TUBGCP2: variants seen among roughly 807,000 people sequenced by gnomAD.
The protein encoded by TUBGCP2 is gamma-tubulin complex component 2.
TUBGCP2 carries 55 observed loss-of-function variants against 92.2 expected under a neutral mutation model. The observed-to-expected ratio is 0.60, with a 90% CI of 0.48 to 0.75. The LOEUF (loss-of-function observed/expected upper bound fraction) is 0.75, where lower values mean the gene tolerates loss of function less well. TUBGCP2 is among the 30% of genes least tolerant of loss of function. TUBGCP2 has a pLI of 0.00. For missense variants in TUBGCP2, 1,093 were observed against 1,188.9 expected, an observed-to-expected ratio of 0.92 and a Z score of 1.19; for synonymous variants, 533 against 505.2, an observed-to-expected ratio of 1.06 and a Z score of -0.74.
chr10:133,280,070 C>T (rs538828892), intron 17 of TUBGCP2, among the ~76,000 whole-genome samples, 169 bp from the exon 18 acceptor site: 76 of 152,310 alleles, frequency 5.0e-4, no homozygotes, highest in African/African-American at 1.7e-3. Flanking sequence ...ACTCCTTCTG[C>T]GGGTCCGTCC....
chr10:133,302,406 C>T (rs1847686921), intron 2 of TUBGCP2: 1 of 284,998 alleles, frequency 3.5e-6, no homozygotes, highest in African/African-American at 2.2e-5. Flanking sequence ...GCACCCTGCA[C>T]CAGAGGTGGC....
At chr10:133,282,184 G>T (rs368581122) in intron 16 of TUBGCP2, 39 bp downstream of exon 16, 3 of 1,610,336 alleles carry the variant, frequency 1.9e-6, no homozygotes, top group Non-Finnish European at 1.7e-6. Flanking sequence ...CCAGCCGGGA[G>T]GAAGCGTCTC....
At chr10:133,303,326 C>G (rs1400166706) in intron 1 of TUBGCP2, among the ~76,000 whole-genome samples, 1 of 152,256 alleles carries the variant, frequency 6.6e-6, no homozygotes, top group Non-Finnish European at 1.5e-5. Flanking sequence ...CTCAGAGGGT[C>G]CTCTGGGTGG....
rs369104689 is a variant in TUBGCP2 at position 133,285,222 on chromosome 10, G to A, written c.1896-9C>T. The A allele has an allele frequency of 2.6e-4, 418 of 1,611,346 alleles. 2 individuals carry two copies. Among genetic ancestry groups the A allele is most frequent in the Middle Eastern group, 1.8e-3 (11 of 6,060 alleles). On this transcript the variant is annotated splice_polypyrimidine_tract_variant and intron_variant, in intron 12 of 17. Transcript: ENST00000252936. The surrounding 1 kb of genome is among the most constrained non-coding windows in gnomAD (Gnocchi z 6.8). ...AGCGAGTGAGGGCTTTCCTGCAAGA[G>A]ACGTGGCGGCACCTCAGGTGGGCCT... is the stretch of plus-strand genomic sequence containing the variant.
chr10:133,312,056 C>A, upstream of TUBGCP2: 1 of 1,479,054 alleles, frequency 6.8e-7, no homozygotes, highest in South Asian at 1.4e-5. Flanking sequence ...GCCATTGAAG[C>A]GCAGGAATGC....
Position 133,291,279 on chromosome 10 carries a change from CCGTGTCCCT to C in TUBGCP2, c.1214+1211_1214+1219del, listed in dbSNP as rs1289741430. Among the ~76,000 whole-genome samples the C allele has an allele frequency of 3.7e-3, 311 of 84,304 alleles. 7 individuals carry two copies. The highest frequency in any genetic ancestry group is 0.018 in the African/African-American group (240 of 13,308). The allele number at this position is 84,304 out of a possible 152,430, so 55.3% of individuals were successfully genotyped here. A position where few individuals can be genotyped will look rare whatever the true frequency, so the allele number is the denominator to read the frequency against. The stretch of plus-strand genomic sequence containing the variant: ...GTCCCTCCGTGTCCCCCATGTCCCT[CCGTGTCCCT>C]GTGTCCCGGGGAGCCCTACCTGTAC... On this transcript the variant is annotated intron_variant, in intron 8 of 17. Coordinates refer to ENST00000252936, the MANE Select transcript of TUBGCP2 (RefSeq NM_006659.4).
chr10:133,281,844 G>A (rs1334618699), intron 16 of TUBGCP2, among the ~76,000 whole-genome samples: 12 of 152,250 alleles, frequency 7.9e-5, no homozygotes, highest in Admixed American at 7.2e-4. Flanking sequence ...CCCCGGAGCC[G>A]GCGCCGCAGG....
At chr10:133,298,379 G>A (rs1255280444) in intron 4 of TUBGCP2, among the ~76,000 whole-genome samples, 1 of 152,202 alleles carries the variant, frequency 6.6e-6, no homozygotes, top group Non-Finnish European at 1.5e-5. Context: ...GAAAACATGA[G>A]CACCAGCAGT....
chr10:133,309,942 T>C, upstream of TUBGCP2: 6 of 1,613,426 alleles, frequency 3.7e-6, no homozygotes, highest in Non-Finnish European at 5.1e-6. Context: ...GTGGCACGAT[T>C]CGCTCTTCCA....
At chr10:133,281,618 C>A (rs1443410820) in intron 16 of TUBGCP2, 182 bp from the exon 17 acceptor site, 13 of 810,816 alleles carry the variant, frequency 1.6e-5, no homozygotes, top group Non-Finnish European at 2.1e-5. Context: ...TTCCTGAGAA[C>A]CCAGCACTCA....
chr10:133,283,680 CCTCTCCCGCATTCCCT>C (rs1847047726), intron 14 of TUBGCP2, among the ~76,000 whole-genome samples, 186 bp downstream of exon 14: 3 of 6,066 alleles, frequency 4.9e-4, no homozygotes, highest in Non-Finnish European at 1.1e-3. Flanking sequence ...GCACTCCCTG[CCTCTCCCGCATTCCCT>C]GCCTCTCCCG....
intron 1 of TUBGCP2, among the ~76,000 whole-genome samples, chr10:133,307,825 T>TA (rs754165639): frequency 6.6e-6 from 1 of 152,250 alleles, no homozygotes; most frequent in Non-Finnish European, 1.5e-5. Flanking sequence ...CTGGATGGTG[T>TA]ACGGCCTACA....
Position 133,299,989 on chromosome 10 carries a change from T to C in TUBGCP2, c.275A>G (p.Lys92Arg), listed in dbSNP as rs1315032528. The change falls in exon 3 of 18, where the codon AAA becomes AGA. Residue 92 changes from lysine (K) to arginine (R), a missense_variant. Physicochemically the swap from Lys to Arg is conservative, Grantham distance 26. Around this residue, in one of 3 missense-constraint regions of TUBGCP2, gnomAD observed 490 missense variants for 488.5 expected, o/e 1.00. Coordinates refer to ENST00000252936, the MANE Select transcript of TUBGCP2 (RefSeq NM_006659.4). ...GCACGTGGCATGGGCACCTACCTCT[T>C]TGTCTTCCGTGAGCTTTGACAACAG... ...VYLLSKLTEDKETLQYLQQNA... is the reference protein window; with the variant it reads ...VYLLSKLTEDRETLQYLQQNA... 2 of 1,613,846 alleles carry C rather than the reference T, an allele frequency of 1.2e-6. No individual in the cohort carries two copies. The highest frequency in any genetic ancestry group is 1.7e-6 in the Non-Finnish European group (2 of 1,179,914).
At chr10:133,293,493 T>C in intron 6 of TUBGCP2, 69 bp downstream of exon 6, 1 of 1,497,262 alleles carries the variant, frequency 6.7e-7, no homozygotes, top group Non-Finnish European at 9.1e-7. Flanking sequence ...GTCCCCATGG[T>C]CATCAGGATG....
At chr10:133,282,919 G>A (rs1014421341) in intron 15 of TUBGCP2, among the ~76,000 whole-genome samples, 159 bp downstream of exon 15, 4 of 152,170 alleles carry the variant, frequency 2.6e-5, no homozygotes, top group South Asian at 2.1e-4. Context: ...GGAATCACCC[G>A]GCCAGGAAGA....
chr10:133,309,411 C>T (rs1847932620), upstream of TUBGCP2: 1 of 1,612,336 alleles, frequency 6.2e-7, no homozygotes, highest in Non-Finnish European at 8.5e-7. Flanking sequence ...GCAGCGCCAC[C>T]TCTACCTCCA....
chr10:133,284,154 ACACT>A (rs1847068363), intron 13 of TUBGCP2, 152 bp from the exon 14 acceptor site: 5 of 1,283,360 alleles, frequency 3.9e-6, no homozygotes, highest in South Asian at 3.0e-5. Context: ...AGCACACCAG[ACACT>A]CACGGCCGCT....
Position 133,300,124 on chromosome 10 carries a change from C to G in TUBGCP2, c.151-11G>C, listed in dbSNP as rs572004284. ...CTCTGCAATTTTAACCTCAAAAGCACAAACATGAGTGATTTAATGACGGTA... is the reference window on the plus strand; with the variant it reads ...CTCTGCAATTTTAACCTCAAAAGCAGAAACATGAGTGATTTAATGACGGTA... On this transcript the variant is annotated splice_polypyrimidine_tract_variant and intron_variant, in intron 2 of 17. Transcript: ENST00000252936. 1.9e-6 allele frequency: 3 copies of G among 1,610,606 alleles called. No individual in the cohort carries two copies. In the South Asian group the frequency reaches 3.3e-5, roughly 18 times the overall value.
At chr10:133,296,929 G>A (rs557572793) in intron 5 of TUBGCP2, among the ~76,000 whole-genome samples, 9 of 152,214 alleles carry the variant, frequency 5.9e-5, no homozygotes, top group South Asian at 2.1e-4. Flanking sequence ...TCACGTCACC[G>A]TTCTCCAGGG....
Sources: allele counts gnomAD v4.1 joint callset (sites outside exome capture counted in the v4.1 genomes callset), GRCh38; gene constraint gnomAD v4.1.1; regional missense constraint gnomAD v4.1.1; non-coding constraint Gnocchi (gnomAD v3.1); transcripts MANE v1.5; gene names NCBI Gene and HGNC (gene_info 2026-07-23, HGNC 2026-07-21).